Variants in ADAMTS12 observed in about 807,000 individuals in gnomAD.
The protein encoded by ADAMTS12 is A disintegrin and metalloproteinase with thrombospondin motifs 12.
A neutral mutation model predicts 167.8 loss-of-function variants in ADAMTS12; 118 were observed. That is an observed-to-expected ratio of 0.70 (90% CI 0.61 to 0.82). ADAMTS12 has a LOEUF of 0.82. Ranked by LOEUF, ADAMTS12 falls within the 40% of genes least tolerant of loss-of-function variation. The pLI is 0.00. For synonymous variants in ADAMTS12, 704 were observed against 716.9 expected, an observed-to-expected ratio of 0.98 and a Z score of 0.29; for missense variants, 1,916 against 1,998.8, an observed-to-expected ratio of 0.96 and a Z score of 0.79.
intron 17 of ADAMTS12, among the ~76,000 whole-genome samples, chr5:33,589,509 C>T (rs1054283710): frequency 9.2e-5 from 14 of 151,952 alleles, no homozygotes; most frequent in Non-Finnish European, 1.5e-4. Flanking sequence ...TAAATAAAAT[C>T]GTTTTTTACT....
intron 2 of ADAMTS12, among the ~76,000 whole-genome samples, chr5:33,784,240 A>G (rs923388837): frequency 6.6e-6 from 1 of 151,952 alleles, no homozygotes; most frequent in Non-Finnish European, 1.5e-5. Context: ...AAGTGTCTAC[A>G]GCTAACCTCA....
At chr5:33,615,003 A>G (rs907211332) in intron 15 of ADAMTS12, among the ~76,000 whole-genome samples, 1 of 152,158 alleles carries the variant, frequency 6.6e-6, no homozygotes, top group African/African-American at 2.4e-5. Context: ...ATGGTCATGG[A>G]CTTTAACTTA....
Position 33,659,389 on chromosome 5 carries a change from G to A in ADAMTS12, c.1041-1056C>T, listed in dbSNP as rs559137713. On this transcript the variant is annotated intron_variant, in intron 6 of 23. Transcript: ENST00000504830. Reference sequence around the variant, plus strand: ...ATTTACGTAACTTCTAGGTCTGTAAGAGAACCAATCAAACACTTTTCTACC... The same window carrying A: ...ATTTACGTAACTTCTAGGTCTGTAAAAGAACCAATCAAACACTTTTCTACC... 1.3e-3 allele frequency among the ~76,000 whole-genome samples: 194 copies of A among 152,294 alleles called. 1 individual carries two copies. Among genetic ancestry groups the A allele is most frequent in the African/African-American group, 4.6e-3 (190 of 41,574 alleles).
chr5:33,605,931 T>G (rs557417130), intron 16 of ADAMTS12, among the ~76,000 whole-genome samples: 1 of 148,372 alleles, frequency 6.7e-6, no homozygotes, highest in South Asian at 2.2e-4. Flanking sequence ...ATCTGAACAG[T>G]CTGGTTCCAG....
chr5:33,724,767 G>T (rs923591857), intron 3 of ADAMTS12, among the ~76,000 whole-genome samples: 1 of 151,982 alleles, frequency 6.6e-6, no homozygotes, highest in Non-Finnish European at 1.5e-5. Context: ...TAGCCAAGAA[G>T]GTATCGATCT....
intron 2 of ADAMTS12, among the ~76,000 whole-genome samples, chr5:33,754,790 A>G (rs1745113884): frequency 6.6e-6 from 1 of 152,148 alleles, no homozygotes; most frequent in Non-Finnish European, 1.5e-5. Context: ...TGGGAGGCGG[A>G]GGTTGCAGTG....
rs766547006 is a variant in ADAMTS12 at position 33,576,657 on chromosome 5, T to C, written c.3369A>G (p.Thr1123=). 6.2e-7 allele frequency: 1 copy of C among 1,614,200 alleles called. No individual in the cohort carries two copies. Among genetic ancestry groups the C allele is most frequent in the Admixed American group, 1.7e-5 (1 of 60,032 alleles). ...AAGATGACAAGCCAGAACCACTTGT[T>C]GTTGTAGCTACAAGGCCTCCCTCCG... ...PTSEGGLVAT[T]TSGSGLSSSR... Residue 1123 remains threonine (T), a synonymous_variant, in exon 19 of 24, where the codon ACA becomes ACG. Transcript: ENST00000504830.
At chr5:33,572,694 A>T (rs1173856589) in intron 19 of ADAMTS12, among the ~76,000 whole-genome samples, 10 of 147,020 alleles carry the variant, frequency 6.8e-5, no homozygotes, top group African/African-American at 2.3e-4. Context: ...GGCACAAGAC[A>T]GGGATGCCCT....
intron 13 of ADAMTS12, among the ~76,000 whole-genome samples, chr5:33,625,019 G>A (rs1739517412): frequency 6.6e-6 from 1 of 152,174 alleles, no homozygotes. Flanking sequence ...AGAGAGAGAT[G>A]GGATTTTGCT....
At chr5:33,700,526 A>G (rs1439995124) in intron 3 of ADAMTS12, among the ~76,000 whole-genome samples, 1 of 152,170 alleles carries the variant, frequency 6.6e-6, no homozygotes, top group African/African-American at 2.4e-5. Context: ...GTTAGGATGG[A>G]GGGATGAGGG....
chr5:33,689,864 CA>C (rs2112274734), intron 3 of ADAMTS12, among the ~76,000 whole-genome samples: 1 of 152,280 alleles, frequency 6.6e-6, no homozygotes, highest in South Asian at 2.1e-4. Context: ...AAAGATTATG[CA>C]AAAAGTAAAG....
intron 14 of ADAMTS12, among the ~76,000 whole-genome samples, chr5:33,619,305 T>C (rs887530908): frequency 6.6e-6 from 1 of 152,216 alleles, no homozygotes; most frequent in Admixed American, 6.5e-5. Flanking sequence ...TAAACCAGAC[T>C]GTATTTGCAT....
At chr5:33,588,473 A>T in intron 18 of ADAMTS12, 126 bp downstream of exon 18, 1 of 1,095,806 alleles carries the variant, frequency 9.1e-7, no homozygotes, top group South Asian at 1.2e-5. Flanking sequence ...GAGACAGGCC[A>T]GGGGTGATGA....
chr5:33,588,742 C>G lies in ADAMTS12; in HGVS notation c.2722G>C (p.Val908Leu), dbSNP rs907969088. ...GAGACCATGGTCTGGATGCACAGCA[C>G]GGTTCGCTTCTTCTCCCCGTGGGGC... Reference protein sequence around the residue: ...CGPHGEKKRTVLCIQTMVSDE... With the variant: ...CGPHGEKKRTLLCIQTMVSDE... The change falls in exon 18 of 24, where the codon GTG (valine) becomes CTG (leucine). Residue 908 changes from valine (V) to leucine (L), a missense_variant. By Grantham distance (32) the Val-to-Leu change is conservative. Transcript: ENST00000504830. 2 of 1,614,030 alleles carry G rather than the reference C, an allele frequency of 1.2e-6. No individual in the cohort carries two copies. The highest frequency in any genetic ancestry group is 8.5e-7 in the Non-Finnish European group (1 of 1,180,040).
intron 3 of ADAMTS12, among the ~76,000 whole-genome samples, chr5:33,718,666 C>T (rs545352788): frequency 6.6e-6 from 1 of 152,176 alleles, no homozygotes; most frequent in South Asian, 2.1e-4. Flanking sequence ...AATGCTAGAA[C>T]TAGAAGAATG....
chr5:33,683,801 A>C (rs1742219282), intron 4 of ADAMTS12, 58 bp downstream of exon 4: 1 of 1,298,096 alleles, frequency 7.7e-7, no homozygotes, highest in African/African-American at 1.5e-5. Context: ...TATTTATGTA[A>C]GCATTTCTAA....
At chr5:33,889,584 T>C (rs1750771206) in intron 1 of ADAMTS12, among the ~76,000 whole-genome samples, 1 of 152,188 alleles carries the variant, frequency 6.6e-6, no homozygotes, top group Admixed American at 6.5e-5. Context: ...CTTAGAAATT[T>C]CTCCTTTGCA....
rs1475476014 is a variant in ADAMTS12 at position 33,526,865 on chromosome 5, TG to T, written c.*322del. 2.2e-5 allele frequency: 5 copies of T among 222,848 alleles called. No individual in the cohort carries two copies. The highest frequency in any genetic ancestry group is 4.4e-5 in the Non-Finnish European group (5 of 113,910). 13.8% of individuals were successfully genotyped at this position (222,848 alleles called of 1,614,324 possible). On this transcript the variant is annotated 3_prime_UTR_variant, in exon 24 of 24. Transcript: ENST00000504830. The stretch of plus-strand genomic sequence containing the variant: ...TAGTCAGGGAAATAGCTGGTCTCTT[TG>T]TTTTTATCTTTAAGGGAGAACAAAA...
At chr5:33,654,639 T>A (rs1740978501) in intron 7 of ADAMTS12, among the ~76,000 whole-genome samples, 1 of 152,220 alleles carries the variant, frequency 6.6e-6, no homozygotes, top group Non-Finnish European at 1.5e-5. Flanking sequence ...AGTCCCTAAC[T>A]GGTCTTTTTG....
Sources: allele counts gnomAD v4.1 joint callset (sites outside exome capture counted in the v4.1 genomes callset), GRCh38; gene constraint gnomAD v4.1.1; transcripts MANE v1.5; gene names NCBI Gene and HGNC (gene_info 2026-07-23, HGNC 2026-07-21).